The following KCNG2 variants were observed in gnomAD, a reference collection of about 807,000 sequenced individuals.
The protein encoded by KCNG2 is voltage-gated potassium channel regulatory subunit KCNG2.
Under a neutral mutation model 12.3 loss-of-function variants are expected in KCNG2, and 7 were observed. That is an observed-to-expected ratio of 0.57 (90% CI 0.32 to 1.07). The LOEUF is 1.07. Among genes scored for constraint, KCNG2 ranks in the 50% least tolerant of loss-of-function variants. The probability of loss-of-function intolerance (pLI) is 0.04; values close to 1 mark genes in which losing one functional copy is unlikely to be tolerated. For missense variants in KCNG2, 703 were observed against 726.0 expected (o/e 0.97, Z 0.36); for synonymous variants, 414 against 351.4 (o/e 1.18, Z -1.99).
At chr18:79,865,992 TGAGGTCTGGGTGCTGA>T (rs1314752208) in intron 3 of KCNG2, among the ~76,000 whole-genome samples, 2,441 of 123,162 alleles carry the variant, frequency 0.02, 130 homozygotes, top group African/African-American at 0.074. Context: ...GTCTGGGTGC[TGAGGTCTGGGTGCTGA>T]GAGGTCTGGG....
At chr18:79,880,336 A>AT (rs2123108473) in intron 3 of KCNG2, among the ~76,000 whole-genome samples, 1 of 150,924 alleles carries the variant, frequency 6.6e-6, no homozygotes, top group South Asian at 2.1e-4. Context: ...AAAAAAAAAA[A>AT]TTACATGTAC....
At chr18:79,823,163 C>T (rs749069421) in intron 1 of KCNG2, among the ~76,000 whole-genome samples, 1 of 152,208 alleles carries the variant, frequency 6.6e-6, no homozygotes, top group Non-Finnish European at 1.5e-5. Flanking sequence ...CACTTAATGT[C>T]CTGGAAGTCA....
rs1347086445 is a variant in KCNG2, at chr18:79,872,346, C to T, written c.624+8055C>T. ...TGTCACCAAGGCTGGAGTGCAATGG[C>T]GCAATCACAGCTTACTGCAATCTCC... is the stretch of plus-strand genomic sequence containing the variant. On this transcript the variant is annotated intron_variant, in intron 3 of 3. Coordinates refer to ENST00000316249, the MANE Select transcript of KCNG2 (RefSeq NM_012283.2). Among the ~76,000 whole-genome samples, 6 of 117,102 alleles carry T rather than the reference C, an allele frequency of 5.1e-5. No individual in the cohort carries two copies. The East Asian group carries it at 8.9e-4, about 17-fold the overall frequency. The allele number at this position is 117,102 out of a possible 152,430, so 76.8% of individuals were successfully genotyped here.
At chr18:79,882,076 A>T (rs1378824799) in intron 3 of KCNG2, among the ~76,000 whole-genome samples, 1 of 152,086 alleles carries the variant, frequency 6.6e-6, no homozygotes, top group African/African-American at 2.4e-5. Flanking sequence ...GGCCCTAAAC[A>T]TATAACATTT....
intron 1 of KCNG2, among the ~76,000 whole-genome samples, chr18:79,811,122 G>C (rs2087491360): frequency 6.6e-6 from 1 of 152,186 alleles, no homozygotes; most frequent in Admixed American, 6.5e-5. Context: ...TCACGGATAG[G>C]AAGACTTAAC....
At chr18:79,836,048 T>C (rs1978322519) in intron 1 of KCNG2, among the ~76,000 whole-genome samples, 1 of 152,228 alleles carries the variant, frequency 6.6e-6, no homozygotes, top group Non-Finnish European at 1.5e-5. Flanking sequence ...GTGTAAATTG[T>C]GTAAACAAAA....
rs572574411 is a variant in KCNG2 at position 79,869,035 on chromosome 18, G to A, written c.624+4744G>A. ...TCGGCTTCCACAGGGTTTCCCGCAC[G>A]CACTGTGCTGTCCCAGGTGCAGGGG... On this transcript the variant is annotated intron_variant, in intron 3 of 3. Coordinates refer to ENST00000316249, the MANE Select transcript of KCNG2 (RefSeq NM_012283.2). 3.2e-3 allele frequency among the ~76,000 whole-genome samples: 485 copies of A among 152,320 alleles called. 4 individuals carry two copies. Among genetic ancestry groups the A allele is most frequent in the African/African-American group, 0.011 (469 of 41,566 alleles).
intron 1 of KCNG2, among the ~76,000 whole-genome samples, chr18:79,850,870 GC>G (rs1177707437): frequency 4.6e-5 from 7 of 152,202 alleles, no homozygotes; most frequent in South Asian, 2.1e-4. Flanking sequence ...ACCCACGAGG[GC>G]AGGCGCCGGA....
At chr18:79,891,915 C>G (rs956948026) in intron 3 of KCNG2, among the ~76,000 whole-genome samples, 3 of 151,966 alleles carry the variant, frequency 2.0e-5, no homozygotes, top group African/African-American at 7.3e-5. Flanking sequence ...CTTCTGTTTC[C>G]TTGACTCTCC....
chr18:79,873,800 G>A (rs1311489929), intron 3 of KCNG2, among the ~76,000 whole-genome samples: 1 of 152,250 alleles, frequency 6.6e-6, no homozygotes, highest in East Asian at 1.9e-4. Flanking sequence ...GGGCCAGGAG[G>A]CGCCTGGGAC....
At chr18:79,834,558 G>T (rs1469777458) in intron 1 of KCNG2, among the ~76,000 whole-genome samples, 3 of 152,240 alleles carry the variant, frequency 2.0e-5, no homozygotes, top group African/African-American at 7.2e-5. Context: ...CGAGCTCTGG[G>T]AGCCCACGCT....
At chr18:79,855,289 G>A (rs1169948597) in intron 1 of KCNG2, among the ~76,000 whole-genome samples, 1 of 152,046 alleles carries the variant, frequency 6.6e-6, no homozygotes, top group Non-Finnish European at 1.5e-5. Flanking sequence ...GCTGACATTG[G>A]GCTGCAAACT....
At chr18:79,852,314 G>A (rs1395211592) in intron 1 of KCNG2, among the ~76,000 whole-genome samples, 1 of 152,238 alleles carries the variant, frequency 6.6e-6, no homozygotes, top group Non-Finnish European at 1.5e-5. Flanking sequence ...ATCTCCAGCA[G>A]CGCAAACGAT....
chr18:79,885,816 C>A (rs370307158), intron 3 of KCNG2, among the ~76,000 whole-genome samples: 3 of 147,426 alleles, frequency 2.0e-5, no homozygotes, highest in African/African-American at 7.5e-5. Flanking sequence ...AACATAGGGA[C>A]GTGGGGACGG....
intron 1 of KCNG2, among the ~76,000 whole-genome samples, chr18:79,810,980 AC>A (rs1277044560): frequency 2.0e-5 from 3 of 152,248 alleles, no homozygotes; most frequent in Non-Finnish European, 4.4e-5. Context: ...AAGACAATTT[AC>A]TATAGCATCA....
In KCNG2 at chr18:79,879,856, G is replaced by A. The variant is rs138425610; in HGVS notation, c.624+15565G>A. On this transcript the variant is annotated intron_variant, in intron 3 of 3. Coordinates refer to ENST00000316249, the MANE Select transcript of KCNG2 (RefSeq NM_012283.2). ...TATTCTAAAAGCTTCCATGGTGAGA[G>A]GGAAGAAACGAGGTCCCACCAAAGG... Among the ~76,000 whole-genome samples, 1,100 of 152,206 alleles carry A rather than the reference G, an allele frequency of 7.2e-3. 8 individuals carry two copies. The highest frequency in any genetic ancestry group is 0.012 in the Non-Finnish European group (812 of 68,014).
At chr18:79,863,420 C>T (rs927463526) in intron 2 of KCNG2, among the ~76,000 whole-genome samples, 1 of 152,254 alleles carries the variant, frequency 6.6e-6, no homozygotes, top group Non-Finnish European at 1.5e-5. Context: ...GGGTCACCAC[C>T]TGGCGGGGTC....
intron 1 of KCNG2, among the ~76,000 whole-genome samples, chr18:79,809,932 G>A (rs994866439): frequency 1.3e-5 from 2 of 152,244 alleles, no homozygotes; most frequent in African/African-American, 2.4e-5. Context: ...GGGCTCATGG[G>A]GTTGTGGGGC....
chr18:79,831,775 T>C (rs1389256845), intron 1 of KCNG2, among the ~76,000 whole-genome samples: 1 of 152,162 alleles, frequency 6.6e-6, no homozygotes, highest in Non-Finnish European at 1.5e-5. Context: ...GAGCGTTCCC[T>C]TCATACAGAG....
Sources: allele counts gnomAD v4.1 joint callset (sites outside exome capture counted in the v4.1 genomes callset), GRCh38; gene constraint gnomAD v4.1.1; transcripts MANE v1.5; gene names NCBI Gene and HGNC (gene_info 2026-07-23, HGNC 2026-07-21).